Variants in HS3ST4 observed in about 807,000 individuals in gnomAD.
HS3ST4 encodes heparan sulfate-glucosamine 3-sulfotransferase 4.
In HS3ST4, 17 loss-of-function variants were observed where a neutral mutation model predicts 29.2. That is an observed-to-expected ratio of 0.58 (90% CI 0.40 to 0.87). HS3ST4 has a LOEUF of 0.87. Among genes scored for constraint, HS3ST4 ranks in the 40% least tolerant of loss-of-function variants. The probability of loss-of-function intolerance (pLI) is 0.00; values close to 1 mark genes in which losing one functional copy is unlikely to be tolerated. For missense variants in HS3ST4, 627 were observed against 634.5 expected (o/e 0.99, Z 0.13); for synonymous variants, 314 against 285.7 (o/e 1.10, Z -1.00).
intron 1 of HS3ST4, among the ~76,000 whole-genome samples, chr16:25,993,029 T>C (rs901071038): frequency 2.6e-5 from 4 of 152,120 alleles, no homozygotes; most frequent in Non-Finnish European, 2.9e-5. Flanking sequence ...TGAAACTGCC[T>C]CCTTTCAGTT....
intron 1 of HS3ST4, among the ~76,000 whole-genome samples, chr16:26,080,922 T>C (rs572465281): frequency 6.8e-4 from 103 of 152,266 alleles, no homozygotes; most frequent in African/African-American, 2.3e-3. Context: ...TCAAAGTGCG[T>C]CCACGGACCA....
At chr16:25,961,108 C>A (rs888546878) in intron 1 of HS3ST4, among the ~76,000 whole-genome samples, 1 of 152,186 alleles carries the variant, frequency 6.6e-6, no homozygotes, top group Non-Finnish European at 1.5e-5. Context: ...AATATATCTT[C>A]CATCTTCCAT....
intron 1 of HS3ST4, among the ~76,000 whole-genome samples, chr16:25,957,319 T>A (rs1233159271): frequency 6.6e-6 from 1 of 152,256 alleles, no homozygotes; most frequent in Non-Finnish European, 1.5e-5. Context: ...AATAGTTGCA[T>A]GTGATTCAGA....
intron 1 of HS3ST4, among the ~76,000 whole-genome samples, chr16:25,932,756 G>A (rs8051677): frequency 0.58 from 87,878 of 151,792 alleles, 26,510 homozygotes; most frequent in African/African-American, 0.72. Context: ...TACAGAGGAA[G>A]CGTCTGAGGC....
intron 1 of HS3ST4, among the ~76,000 whole-genome samples, chr16:25,898,199 C>A (rs922908928): frequency 1.3e-5 from 2 of 152,216 alleles, no homozygotes; most frequent in Non-Finnish European, 2.9e-5. Flanking sequence ...TGACTCACCA[C>A]CTGTGTCCAA....
At chr16:25,899,227 C>T (rs1968098727) in intron 1 of HS3ST4, among the ~76,000 whole-genome samples, 1 of 152,216 alleles carries the variant, frequency 6.6e-6, no homozygotes, top group African/African-American at 2.4e-5. Flanking sequence ...CCTCAAACCC[C>T]AAAGCACAGT....
At chr16:25,797,138 CAAAA>C (rs1315642139) in intron 1 of HS3ST4, among the ~76,000 whole-genome samples, 3 of 152,122 alleles carry the variant, frequency 2.0e-5, no homozygotes, top group African/African-American at 7.2e-5. Context: ...ATGCCGCGTC[CAAAA>C]TATCACAGTG....
At chr16:25,833,319 T>A (rs1380580721) in intron 1 of HS3ST4, among the ~76,000 whole-genome samples, 2 of 152,122 alleles carry the variant, frequency 1.3e-5, no homozygotes, top group African/African-American at 4.8e-5. Context: ...GATCCAAGAT[T>A]GATCTTGGAG....
chr16:25,999,542 GTTT>G (rs1348839222), intron 1 of HS3ST4, among the ~76,000 whole-genome samples: 2 of 150,802 alleles, frequency 1.3e-5, no homozygotes, highest in Non-Finnish European at 1.5e-5. Flanking sequence ...AGTAATTTTT[GTTT>G]TTATCTTTGT....
intron 1 of HS3ST4, among the ~76,000 whole-genome samples, chr16:26,120,128 A>C (rs1899256276): frequency 6.6e-6 from 1 of 151,916 alleles, no homozygotes. Context: ...GGGAATTAGC[A>C]TGCATGAATG....
At chr16:26,096,116 CA>C (rs1234916305) in intron 1 of HS3ST4, among the ~76,000 whole-genome samples, 1 of 152,022 alleles carries the variant, frequency 6.6e-6, no homozygotes, top group East Asian at 1.9e-4. Context: ...GCTTACCAAC[CA>C]AAAAAGTCCA....
intron 1 of HS3ST4, among the ~76,000 whole-genome samples, chr16:25,945,828 A>G (rs1968619969): frequency 6.6e-6 from 1 of 152,174 alleles, no homozygotes; most frequent in Admixed American, 6.5e-5. Context: ...CTTCATTCAG[A>G]TACAGGCTTC....
intron 1 of HS3ST4, among the ~76,000 whole-genome samples, chr16:26,053,184 C>T (rs992863051): frequency 1.2e-4 from 19 of 152,296 alleles, no homozygotes; most frequent in African/African-American, 3.4e-4. Context: ...ATACATAAGA[C>T]GCTCCCCTCA....
rs551687900 is a variant in HS3ST4, at chr16:26,004,183, C to A, written c.735-131429C>A. The stretch of plus-strand genomic sequence containing the variant: ...GTTTTCTTAAGGCAGTTGTTCTTGC[C>A]ATCCTGACAAATAATATTCTCGAGT... On this transcript the variant is annotated intron_variant, in intron 1 of 1. Transcript: ENST00000331351. Among the ~76,000 whole-genome samples, 3 of 152,254 alleles carry A rather than the reference C, an allele frequency of 2.0e-5. No homozygotes were observed. In the South Asian group the frequency reaches 6.2e-4, roughly 32 times the overall value.
intron 1 of HS3ST4, among the ~76,000 whole-genome samples, chr16:25,883,245 T>G (rs1967913059): frequency 6.6e-6 from 1 of 151,902 alleles, no homozygotes; most frequent in Admixed American, 6.6e-5. Context: ...TTTGTTCTTT[T>G]GAAACTCAAA....
intron 1 of HS3ST4, among the ~76,000 whole-genome samples, chr16:25,922,608 A>T (rs1169742346): frequency 1.3e-5 from 2 of 152,242 alleles, no homozygotes; most frequent in African/African-American, 4.8e-5. Flanking sequence ...TTTGTTGAGC[A>T]ATTACTGTGG....
At chr16:25,846,816 A>ATGAAGTTTTCTCAATACCGTCG (rs1967471271) in intron 1 of HS3ST4, among the ~76,000 whole-genome samples, 1 of 152,054 alleles carries the variant, frequency 6.6e-6, no homozygotes, top group African/African-American at 2.4e-5. Flanking sequence ...AACAGTGGAG[A>ATGAAGTTTTCTCAATACCGTCG]TGAAGTTTTC....
intron 1 of HS3ST4, among the ~76,000 whole-genome samples, chr16:25,828,929 A>G (rs1372201673): frequency 1.3e-5 from 2 of 152,224 alleles, no homozygotes; most frequent in East Asian, 3.9e-4. Context: ...GGTTCATGTG[A>G]GAATTTAATG....
chr16:25,987,238 T>TACTTGGGAA (rs1969073787), intron 1 of HS3ST4, among the ~76,000 whole-genome samples: 1 of 151,966 alleles, frequency 6.6e-6, no homozygotes, highest in Non-Finnish European at 1.5e-5. Flanking sequence ...TAATCCCAGC[T>TACTTGGGAA]ACTTGGGAAG....
Sources: allele counts gnomAD v4.1 joint callset (sites outside exome capture counted in the v4.1 genomes callset), GRCh38; gene constraint gnomAD v4.1.1; transcripts MANE v1.5; gene names NCBI Gene and HGNC (gene_info 2026-07-23, HGNC 2026-07-21).